IL7R: variants seen among roughly 807,000 people sequenced by gnomAD.
The protein encoded by IL7R is interleukin 7 receptor.
Under a neutral mutation model 47.0 loss-of-function variants are expected in IL7R, and 38 were observed. The observed-to-expected ratio is 0.81, with a 90% CI of 0.62 to 1.06. The LOEUF is 1.06. Among genes scored for constraint, IL7R ranks in the 50% least tolerant of loss-of-function variants. The pLI is 0.00. For missense variants in IL7R, 633 were observed against 534.8 expected, an observed-to-expected ratio of 1.18 and a Z score of -1.81; for synonymous variants, 221 against 199.8, an observed-to-expected ratio of 1.11 and a Z score of -0.89.
At chr5:35,864,518 T>A (rs1197328915) in intron 2 of IL7R, among the ~76,000 whole-genome samples, 3 of 152,168 alleles carry the variant, frequency 2.0e-5, no homozygotes, top group Non-Finnish European at 4.4e-5. Context: ...ATATACATCA[T>A]TTGCAACGTT....
In IL7R at chr5:35,856,944, C is replaced by T. The variant is rs1208977866; in HGVS notation, c.-34C>T. 1 of 1,225,466 alleles carries T rather than the reference C, an allele frequency of 8.2e-7. No homozygotes were observed. The highest frequency in any genetic ancestry group is 1.2e-6 in the Non-Finnish European group (1 of 830,342). The allele number at this position is 1,225,466 out of a possible 1,614,324, so 75.9% of individuals were successfully genotyped here. A position where few individuals can be genotyped will look rare whatever the true frequency, so the allele number is the denominator to read the frequency against. On this transcript the variant is annotated 5_prime_UTR_variant, in exon 1 of 8. Transcript: ENST00000303115. Reference sequence around the variant, plus strand: ...CTCATTCATTTCATACACACTGGCTCACACATCTACTCTCTCTCTCTATCT... The same window carrying T: ...CTCATTCATTTCATACACACTGGCTTACACATCTACTCTCTCTCTCTATCT...
At chr5:35,860,670 G>A (rs913678021) in intron 1 of IL7R, among the ~76,000 whole-genome samples, 182 bp from the exon 2 acceptor site, 1 of 151,792 alleles carries the variant, frequency 6.6e-6, no homozygotes, top group South Asian at 2.1e-4. Context: ...GTTTTTTGTT[G>A]GTTGGTTGGT....
chr5:35,869,519 T>G (rs551180533), intron 3 of IL7R, among the ~76,000 whole-genome samples: 1 of 152,326 alleles, frequency 6.6e-6, no homozygotes, highest in South Asian at 2.1e-4. Flanking sequence ...TTTAAACCAT[T>G]TTACAGGGGC....
chr5:35,864,799 G>GT (rs1017270488), intron 2 of IL7R, among the ~76,000 whole-genome samples: 47 of 151,144 alleles, frequency 3.1e-4, no homozygotes, highest in East Asian at 7.8e-4. Flanking sequence ...ATAAGCAAGA[G>GT]TTTTTTTTTA....
chr5:35,864,548 C>T (rs964638829), intron 2 of IL7R, among the ~76,000 whole-genome samples: 3 of 152,044 alleles, frequency 2.0e-5, no homozygotes, highest in Admixed American at 6.6e-5. Context: ...GATAGTATCT[C>T]GTTAGGTTTT....
intron 6 of IL7R, among the ~76,000 whole-genome samples, chr5:35,875,251 T>C (rs2149904562): frequency 6.6e-6 from 1 of 152,332 alleles, no homozygotes. Flanking sequence ...CTCTAGGGCT[T>C]TTTCCCAGAG....
In IL7R at chr5:35,861,002, T is replaced by C. The variant is rs202090343; in HGVS notation, c.221+12T>C. 173 of 1,612,406 alleles carry C rather than the reference T, an allele frequency of 1.1e-4. 1 individual carries two copies. Among genetic ancestry groups the C allele is most frequent in the Non-Finnish European group, 1.4e-4 (170 of 1,178,672 alleles). On this transcript the variant is annotated intron_variant, in intron 2 of 7. Transcript: ENST00000303115. Reference sequence around the variant, plus strand: ...GAATTTGAAATATGGTGAGGGATGGTGGTTTTAATGGTTGCTTAGACATCC... The same window carrying C: ...GAATTTGAAATATGGTGAGGGATGGCGGTTTTAATGGTTGCTTAGACATCC...
intron 6 of IL7R, among the ~76,000 whole-genome samples, chr5:35,875,055 A>G (rs2149904430): frequency 6.6e-6 from 1 of 152,356 alleles, no homozygotes. Context: ...CCTGGAAAGT[A>G]CTAAGCAATT....
At chr5:35,866,361 C>G (rs1311437076) in intron 2 of IL7R, among the ~76,000 whole-genome samples, 1 of 152,100 alleles carries the variant, frequency 6.6e-6, no homozygotes, top group African/African-American at 2.4e-5. Flanking sequence ...CTATCAACTT[C>G]TTTTCTCTAA....
intron 1 of IL7R, among the ~76,000 whole-genome samples, chr5:35,858,255 A>G (rs1759710532): frequency 6.6e-6 from 1 of 152,222 alleles, no homozygotes. Flanking sequence ...TAGAAGATGT[A>G]TAATTACCCT....
chr5:35,871,354 G>A (rs1198121476), intron 4 of IL7R, 141 bp downstream of exon 4: 6 of 673,780 alleles, frequency 8.9e-6, no homozygotes, highest in African/African-American at 1.8e-5. Context: ...TCCCAATATT[G>A]GCCCCATGAA....
At chr5:35,873,196 T>A in intron 4 of IL7R, 1 of 449,332 alleles carries the variant, frequency 2.2e-6, no homozygotes, top group Admixed American at 3.4e-5. Context: ...GAAGAAGATA[T>A]TGAAGTGTGG....
At position 35,877,714 on chromosome 5, in the gene IL7R, T is replaced by C. The variant is rs1760252169; in HGVS notation, c.*1228T>C. 1 of 233,188 alleles carries C rather than the reference T, an allele frequency of 4.3e-6. No individual in the cohort carries two copies. Among genetic ancestry groups the C allele is most frequent in the Admixed American group, 5.6e-5 (1 of 17,782 alleles). 14.4% of individuals were successfully genotyped at this position (233,188 alleles called of 1,614,324 possible). A position where few individuals can be genotyped will look rare whatever the true frequency, so the allele number is the denominator to read the frequency against. On this transcript the variant is annotated 3_prime_UTR_variant, in exon 8 of 8. Coordinates refer to ENST00000303115, the MANE Select transcript of IL7R (RefSeq NM_002185.5). The stretch of plus-strand genomic sequence containing the variant: ...AAGTACATGCAATGAGTGAACTGAC[T>C]GTGGCTACAATCTTGAAGATATACG...
chr5:35,858,951 C>A (rs1476175481), intron 1 of IL7R, among the ~76,000 whole-genome samples: 2 of 152,160 alleles, frequency 1.3e-5, no homozygotes, highest in Non-Finnish European at 2.9e-5. Context: ...CCACTGTGTA[C>A]ATTAACTACT....
rs745590108 is a variant in IL7R at position 35,871,067 on chromosome 5, G to C, written c.391G>C (p.Ala131Pro). ...TTTTTCTTTTCCAGTTAAACCTGAG[G>C]CTCCTTTTGACCTGAGTGTCGTCTA... The part of the protein sequence containing the change: ...IDLTTIVKPE[A>P]PFDLSVVYRE... The change falls in exon 4 of 8, where the codon GCT becomes CCT. Residue 131 changes from alanine to proline, a missense_variant. Coordinates refer to ENST00000303115, the MANE Select transcript of IL7R (RefSeq NM_002185.5). 6 of 1,612,780 alleles carry C rather than the reference G, an allele frequency of 3.7e-6. No individual in the cohort carries two copies. The highest frequency in any genetic ancestry group is 2.7e-5 in the African/African-American group (2 of 74,990).
chr5:35,875,760 C>T, intron 7 of IL7R, 173 bp downstream of exon 7: 1 of 759,756 alleles, frequency 1.3e-6, no homozygotes, highest in Non-Finnish European at 2.3e-6. Flanking sequence ...AGATACACAT[C>T]TCAGAACTTC....
At chr5:35,872,864 A>C (rs1760104442) in intron 4 of IL7R, among the ~76,000 whole-genome samples, 1 of 152,230 alleles carries the variant, frequency 6.6e-6, no homozygotes, top group Non-Finnish European at 1.5e-5. Context: ...TTAAAAAAAC[A>C]AATATCACAA....
intron 3 of IL7R, among the ~76,000 whole-genome samples, chr5:35,870,114 C>T (rs542524391): frequency 2.7e-4 from 41 of 152,318 alleles, no homozygotes; most frequent in African/African-American, 9.4e-4. Flanking sequence ...AGTAGCACCC[C>T]CACCCCCAGA....
chr5:35,873,329 C>A, intron 4 of IL7R, 151 bp from the exon 5 acceptor site: 1 of 724,056 alleles, frequency 1.4e-6, no homozygotes, highest in South Asian at 1.5e-5. Flanking sequence ...CTGTTGACTC[C>A]TTTACGTATC....
Sources: allele counts gnomAD v4.1 joint callset (sites outside exome capture counted in the v4.1 genomes callset), GRCh38; gene constraint gnomAD v4.1.1; transcripts MANE v1.5; gene names NCBI Gene and HGNC (gene_info 2026-07-23, HGNC 2026-07-21).